COL13A1: variants seen among roughly 807,000 people sequenced by gnomAD.
COL13A1 encodes collagen alpha-1(XIII) chain.
A neutral mutation model predicts 130.9 loss-of-function variants in COL13A1; 89 were observed. That is an observed-to-expected ratio of 0.68 (90% confidence interval 0.57 to 0.81). The LOEUF is 0.81. Ranked by LOEUF, COL13A1 falls within the 30% of genes least tolerant of loss-of-function variation. COL13A1 has a pLI of 0.00. For synonymous variants in COL13A1, 402 were observed against 341.6 expected (o/e 1.18, Z -1.95); for missense variants, 879 against 934.6 (o/e 0.94, Z 0.78).
chr10:69,895,100 C>G (rs2061511191), intron 12 of COL13A1, among the ~76,000 whole-genome samples: 1 of 152,238 alleles, frequency 6.6e-6, no homozygotes. Flanking sequence ...GATAGAGACA[C>G]TGCTGTGCTT....
At chr10:69,832,315 C>T (rs1480880238) in intron 2 of COL13A1, among the ~76,000 whole-genome samples, 1 of 152,206 alleles carries the variant, frequency 6.6e-6, no homozygotes, top group Non-Finnish European at 1.5e-5. Flanking sequence ...GGATTTGTCA[C>T]AGGTTTAGGG....
intron 36 of COL13A1, among the ~76,000 whole-genome samples, chr10:69,945,131 G>A (rs2068296623): frequency 6.6e-6 from 1 of 151,826 alleles, no homozygotes; most frequent in South Asian, 2.1e-4. Flanking sequence ...GGGCTCGGAG[G>A]TCCCTGTGTG....
chr10:69,832,877 C>T (rs1447802232), intron 2 of COL13A1, among the ~76,000 whole-genome samples: 1 of 152,212 alleles, frequency 6.6e-6, no homozygotes, highest in African/African-American at 2.4e-5. Flanking sequence ...ATCCTCTCTC[C>T]ACATCCTGAG....
At chr10:69,871,466 GC>G (rs1301851663) in intron 3 of COL13A1, among the ~76,000 whole-genome samples, 3 of 152,172 alleles carry the variant, frequency 2.0e-5, no homozygotes, top group African/African-American at 7.2e-5. Flanking sequence ...GAACGCTGTA[GC>G]CCCACATTCC....
At chr10:69,906,927 C>T (rs2062820641) in intron 17 of COL13A1, among the ~76,000 whole-genome samples, 1 of 152,038 alleles carries the variant, frequency 6.6e-6, no homozygotes, top group South Asian at 2.1e-4. Flanking sequence ...GATGGGGTTT[C>T]ACCATGTTGG....
At chr10:69,880,255 TC>T (rs761831315) in intron 6 of COL13A1, among the ~76,000 whole-genome samples, 8 of 151,886 alleles carry the variant, frequency 5.3e-5, no homozygotes, top group Non-Finnish European at 1.2e-4. Flanking sequence ...TCCTGCTGCT[TC>T]CCCCTACTAC....
intron 30 of COL13A1, chr10:69,931,147 TG>T: frequency 2.2e-6 from 1 of 456,014 alleles, no homozygotes; most frequent in South Asian, 1.5e-5. Context: ...CAGAAATCAT[TG>T]TCAGTCTGTA....
chr10:69,837,778 C>T (rs913891814), intron 2 of COL13A1, among the ~76,000 whole-genome samples: 13 of 149,760 alleles, frequency 8.7e-5, no homozygotes, highest in Non-Finnish European at 1.8e-4. Flanking sequence ...CGTGGAACGG[C>T]GATCCTGCCA....
At chr10:69,927,408 C>A (rs968827152) in intron 27 of COL13A1, among the ~76,000 whole-genome samples, 1 of 152,184 alleles carries the variant, frequency 6.6e-6, no homozygotes, top group African/African-American at 2.4e-5. Context: ...CTATTTACAG[C>A]TGCGTGAAGG....
intron 2 of COL13A1, among the ~76,000 whole-genome samples, chr10:69,831,539 A>G (rs540792221): frequency 1.9e-4 from 29 of 152,354 alleles, no homozygotes; most frequent in African/African-American, 6.5e-4. Context: ...AAGCTTCTCA[A>G]GCTTCTGAGC....
intron 12 of COL13A1, 28 bp from the exon 13 acceptor site, chr10:69,895,522 C>T: frequency 5.0e-6 from 8 of 1,613,932 alleles, no homozygotes; most frequent in Non-Finnish European, 6.8e-6. Context: ...GTGCCTAACA[C>T]CACCTTTCCC....
intron 2 of COL13A1, among the ~76,000 whole-genome samples, chr10:69,856,026 G>C (rs1454412702): frequency 6.6e-6 from 1 of 152,216 alleles, no homozygotes; most frequent in Admixed American, 6.5e-5. Context: ...GAAGTTCTGG[G>C]CTGTGGAATT....
chr10:69,902,714 C>A, intron 14 of COL13A1, 34 bp from the exon 15 acceptor site: 2 of 1,521,638 alleles, frequency 1.3e-6, no homozygotes, highest in Non-Finnish European at 8.9e-7. Flanking sequence ...GCTCTGGGGG[C>A]CTTCCCTCTA....
intron 2 of COL13A1, among the ~76,000 whole-genome samples, chr10:69,823,489 G>A (rs1846651393): frequency 6.6e-6 from 1 of 152,326 alleles, no homozygotes; most frequent in South Asian, 2.1e-4. Flanking sequence ...CGATACCCAC[G>A]GTGGCAGGTG....
chr10:69,825,573 T>C (rs1038845618), intron 2 of COL13A1, among the ~76,000 whole-genome samples: 1 of 152,204 alleles, frequency 6.6e-6, no homozygotes, highest in African/African-American at 2.4e-5. Flanking sequence ...TCTTGCCTGA[T>C]GCTGAATTTA....
At chr10:69,919,847 G>A (rs567795294) in intron 21 of COL13A1, 120 bp downstream of exon 21, 16 of 397,472 alleles carry the variant, frequency 4.0e-5, no homozygotes, top group South Asian at 1.3e-4. Context: ...CATGTGTTCC[G>A]AGATGAGGGG....
At chr10:69,872,265 G>T in intron 4 of COL13A1, 55 bp downstream of exon 4, 2 of 1,605,712 alleles carry the variant, frequency 1.2e-6, no homozygotes, top group Non-Finnish European at 1.7e-6. Flanking sequence ...GCTTTTCTCA[G>T]TCTGAGGACT....
At chr10:69,923,444 C>A (rs2064941781) in intron 23 of COL13A1, among the ~76,000 whole-genome samples, 1 of 152,218 alleles carries the variant, frequency 6.6e-6, no homozygotes, top group Non-Finnish European at 1.5e-5. Context: ...AGAAGGAAAG[C>A]ATGAATTACT....
chr10:69,945,718 G>A lies in COL13A1; in HGVS notation c.2016G>A (p.Gly672=). 6.2e-7 allele frequency: 1 copy of A among 1,612,358 alleles called. No individual in the cohort carries two copies. Among genetic ancestry groups the A allele is most frequent in the Non-Finnish European group, 8.5e-7 (1 of 1,179,286 alleles). Residue 672 remains glycine, a synonymous_variant, in exon 37 of 41, where the codon GGG becomes GGA. Coordinates refer to ENST00000645393, the MANE Select transcript of COL13A1 (RefSeq NM_001368882.1). Reference sequence around the variant, plus strand: ...TGACAGGACCAACGGGAGCAGCTGGGCTTCCTGTGAGTCTCTTGGGATCAG... The same window carrying A: ...TGACAGGACCAACGGGAGCAGCTGGACTTCCTGTGAGTCTCTTGGGATCAG... ...PGMTGPTGAA[G]LPGLHGPPGD...
Sources: allele counts gnomAD v4.1 joint callset (sites outside exome capture counted in the v4.1 genomes callset), GRCh38; gene constraint gnomAD v4.1.1; transcripts MANE v1.5; gene names NCBI Gene and HGNC (gene_info 2026-07-23, HGNC 2026-07-21).